Variants in ACSL3 observed in about 807,000 individuals in gnomAD.
ACSL3 encodes fatty acid CoA ligase Acsl3.
Under a neutral mutation model 84.7 loss-of-function variants are expected in ACSL3, and 34 were observed. That is an observed-to-expected ratio of 0.40 (90% CI 0.31 to 0.53). The LOEUF is 0.53. ACSL3 is among the 20% of genes least tolerant of loss of function. The pLI is 0.48. For synonymous variants in ACSL3, 315 were observed against 299.4 expected (o/e 1.05, Z -0.54); for missense variants, 680 against 873.1 (o/e 0.78, Z 2.79).
intron 2 of ACSL3, among the ~76,000 whole-genome samples, chr2:222,889,794 T>C (rs914150944): frequency 6.6e-6 from 1 of 152,166 alleles, no homozygotes; most frequent in Non-Finnish European, 1.5e-5. Context: ...TGTTTTTAAG[T>C]GTAATCTGGT....
In ACSL3 at chr2:222,933,278, C is replaced by T. The variant is rs753015534; in HGVS notation, c.1845C>T (p.Asn615=). 46 of 1,601,382 alleles carry T rather than the reference C, an allele frequency of 2.9e-5. No individual in the cohort carries two copies. Among genetic ancestry groups the T allele is most frequent in the Non-Finnish European group, 3.9e-5 (46 of 1,170,774 alleles). The change falls in exon 15 of 17, where the codon AAC becomes AAT. Residue 615 remains asparagine (N), a splice_region_variant and synonymous_variant. Transcript: ENST00000357430. The stretch of plus-strand genomic sequence containing the variant: ...TAGATAACATTTGTGCATATGCAAA[C>T]AGGTAAGAACGTGGAATTCATACTA... ...PLVDNICAYA[N]SYHSYVIGFV...
rs1696903004 is a variant in ACSL3 at position 222,927,116 on chromosome 2, C to T, written c.1392C>T (p.Asn464=). 2.5e-6 allele frequency: 4 copies of T among 1,614,050 alleles called. 1 individual carries two copies. In the South Asian group the frequency reaches 4.4e-5, roughly 18 times the overall value. Residue 464 remains asparagine (N), a synonymous_variant, in exon 12 of 17, where the codon AAC becomes AAT. Coordinates refer to ENST00000357430, the MANE Select transcript of ACSL3 (RefSeq NM_004457.5). ...PLSATTQRFM[N]ICFCCPVGQG... ...CTGCAACCACGCAGCGATTCATGAA[C>T]ATCTGTTTCTGCTGTCCTGTTGGTC...
At chr2:222,920,400 G>T (rs1696701082) in intron 7 of ACSL3, among the ~76,000 whole-genome samples, 2 of 152,092 alleles carry the variant, frequency 1.3e-5, no homozygotes, top group African/African-American at 2.4e-5. Context: ...CTTCTGCTGT[G>T]CCACCTCTAT....
chr2:222,879,370 C>G (rs576595938), intron 1 of ACSL3, among the ~76,000 whole-genome samples: 1 of 151,886 alleles, frequency 6.6e-6, no homozygotes, highest in Non-Finnish European at 1.5e-5. Context: ...ACTTGAAAAC[C>G]GATCTCATGC....
rs1293126755 is a variant in ACSL3, at chr2:222,944,124, G to C, written c.*2470G>C. On this transcript the variant is annotated 3_prime_UTR_variant, in exon 17 of 17. Transcript: ENST00000357430. ...TCATGAAAAAGTTTTTGCTGACACAGAACAAACCTGAAAGTAGTATCTACT... is the reference window on the plus strand; with the variant it reads ...TCATGAAAAAGTTTTTGCTGACACACAACAAACCTGAAAGTAGTATCTACT... 6.6e-6 allele frequency: 1 copy of C among 152,008 alleles called. No homozygotes were observed. Among genetic ancestry groups the C allele is most frequent in the Non-Finnish European group, 1.5e-5 (1 of 67,956 alleles). 9.4% of individuals were successfully genotyped at this position (152,008 alleles called of 1,614,324 possible). A position where few individuals can be genotyped will look rare whatever the true frequency, so the allele number is the denominator to read the frequency against.
intron 12 of ACSL3, among the ~76,000 whole-genome samples, chr2:222,927,523 AAACTT>A (rs1415253942): frequency 1.3e-5 from 2 of 152,202 alleles, no homozygotes; most frequent in Non-Finnish European, 2.9e-5. Context: ...TTTATGTAGA[AAACTT>A]AAGGTGCTTT....
At position 222,908,759 on chromosome 2, in the gene ACSL3, C is replaced by A; in HGVS notation, c.-14C>A. The A allele has an allele frequency of 1.3e-6, 2 of 1,564,908 alleles. No individual in the cohort carries two copies. Among genetic ancestry groups the A allele is most frequent in the Non-Finnish European group, 8.6e-7 (1 of 1,166,252 alleles). ...TTCTCGCTGAAGTCTGTTAATTCTA[C>A]TTTTTGAGTACTTATGAATAACCAC... is the stretch of plus-strand genomic sequence containing the variant. On this transcript the variant is annotated 5_prime_UTR_variant, in exon 4 of 17. Transcript: ENST00000357430.
chr2:222,930,874 A>T, intron 14 of ACSL3, 62 bp downstream of exon 14: 1 of 1,449,588 alleles, frequency 6.9e-7, no homozygotes, highest in East Asian at 2.3e-5. Flanking sequence ...CAAGAAGCAC[A>T]ATATATTTAG....
chr2:222,930,553 A>C, intron 13 of ACSL3, 68 bp from the exon 14 acceptor site: 1 of 1,286,590 alleles, frequency 7.8e-7, no homozygotes, highest in Non-Finnish European at 1.1e-6. Flanking sequence ...ACTGTTTAGA[A>C]ACTAGTAGTT....
chr2:222,890,634 A>ATTTG (rs770460800), intron 2 of ACSL3, among the ~76,000 whole-genome samples: 2 of 151,106 alleles, frequency 1.3e-5, no homozygotes, highest in East Asian at 1.9e-4. Flanking sequence ...AGGTGGGTAG[A>ATTTG]TTTGTTTGTT....
chr2:222,928,156 A>C (rs1187021960), intron 12 of ACSL3, among the ~76,000 whole-genome samples: 1 of 152,226 alleles, frequency 6.6e-6, no homozygotes, highest in Admixed American at 6.5e-5. Context: ...ATAATGCAAT[A>C]GTAATTCATA....
At chr2:222,921,499 A>G (rs1325877868) in intron 8 of ACSL3, 69 bp downstream of exon 8, 1 of 1,422,502 alleles carries the variant, frequency 7.0e-7, no homozygotes, top group Non-Finnish European at 9.5e-7. Flanking sequence ...CATTTGTGTC[A>G]TTTTATTAAT....
intron 1 of ACSL3, among the ~76,000 whole-genome samples, chr2:222,867,107 G>A (rs2106080518): frequency 6.6e-6 from 1 of 152,134 alleles, no homozygotes; most frequent in East Asian, 1.9e-4. Flanking sequence ...TACTGGGATT[G>A]CAGATGTGAA....
intron 11 of ACSL3, among the ~76,000 whole-genome samples, chr2:222,925,314 T>A (rs556877104): frequency 7.4e-6 from 1 of 135,760 alleles, no homozygotes; most frequent in East Asian, 2.1e-4. Context: ...CACTCCAGCC[T>A]GGGTGACAGA....
At chr2:222,933,311 T>A (rs1697080031) in intron 15 of ACSL3, 31 bp downstream of exon 15, 2 of 1,491,524 alleles carry the variant, frequency 1.3e-6, no homozygotes, top group African/African-American at 1.4e-5. Context: ...CTACTTTTAC[T>A]TAAAATATTT....
chr2:222,928,973 A>C, intron 13 of ACSL3, 37 bp downstream of exon 13: 2 of 1,560,928 alleles, frequency 1.3e-6, no homozygotes, highest in Non-Finnish European at 1.8e-6. Context: ...ATTAATTTTT[A>C]AAGTATTAAA....
chr2:222,873,441 T>C (rs1384147666), intron 1 of ACSL3, among the ~76,000 whole-genome samples: 1 of 152,234 alleles, frequency 6.6e-6, no homozygotes, highest in Non-Finnish European at 1.5e-5. Context: ...GTTTCAGGCA[T>C]GTCAATACTG....
At chr2:222,905,490 A>C (rs896649357) in intron 3 of ACSL3, among the ~76,000 whole-genome samples, 1 of 152,196 alleles carries the variant, frequency 6.6e-6, no homozygotes, top group Non-Finnish European at 1.5e-5. Flanking sequence ...AAAAACAAAC[A>C]TGCAAAATTA....
intron 16 of ACSL3, among the ~76,000 whole-genome samples, chr2:222,937,583 A>G (rs1697207953): frequency 6.6e-6 from 1 of 151,928 alleles, no homozygotes. Context: ...TATTGTGACA[A>G]TTTTTGTCTT....
Sources: gnomAD v4.1 joint callset for allele counts (sites outside exome capture counted in the v4.1 genomes callset) on GRCh38, gnomAD v4.1.1 for gene constraint, MANE v1.5 for transcripts, NCBI Gene and HGNC (gene_info 2026-07-23, HGNC 2026-07-21) for gene names.